Variants in OVAAL observed in about 807,000 individuals in gnomAD.
OVAAL encodes long intergenic non-protein coding RNA 1131.
At chr1:180,564,005 C>G (rs1170220265) in intron 2 of OVAAL, among the ~76,000 whole-genome samples, 1 of 152,174 alleles carries the variant, frequency 6.6e-6, no homozygotes, top group Non-Finnish European at 1.5e-5. Context: ...CTGTTTGTGT[C>G]TGACTAGCTA....
At chr1:180,560,481 G>A (rs1187479201) in intron 1 of OVAAL, among the ~76,000 whole-genome samples, 1 of 152,102 alleles carries the variant, frequency 6.6e-6, no homozygotes, top group East Asian at 1.9e-4. Flanking sequence ...GTTCCTCCTA[G>A]GGTGTCTCAA....
chr1:180,559,358 G>C (rs1557912002), intron 1 of OVAAL, among the ~76,000 whole-genome samples: 1 of 152,168 alleles, frequency 6.6e-6, no homozygotes, highest in Non-Finnish European at 1.5e-5. Context: ...GTCTCAGATG[G>C]AGATGAGGAA....
At chr1:180,561,524 G>C (rs1416718947) in intron 1 of OVAAL, among the ~76,000 whole-genome samples, 1 of 152,110 alleles carries the variant, frequency 6.6e-6, no homozygotes, top group Non-Finnish European at 1.5e-5. Flanking sequence ...GCTCAGAGCA[G>C]TTGCTTTGCC....
At chr1:180,564,467 T>C (rs185584281) in intron 2 of OVAAL, among the ~76,000 whole-genome samples, 1 of 152,260 alleles carries the variant, frequency 6.6e-6, no homozygotes, top group East Asian at 1.9e-4. Context: ...GTTAAACTAC[T>C]GTGTTGTATT....
chr1:180,559,220 T>A (rs528786343), intron 1 of OVAAL, among the ~76,000 whole-genome samples: 71 of 151,984 alleles, frequency 4.7e-4, no homozygotes, highest in African/African-American at 1.6e-3. Context: ...CAGGCAAAGG[T>A]TGGAACAGTT....
At chr1:180,560,817 GT>G (rs1653187953) in intron 1 of OVAAL, among the ~76,000 whole-genome samples, 1 of 152,170 alleles carries the variant, frequency 6.6e-6, no homozygotes, top group South Asian at 2.1e-4. Flanking sequence ...TACTTCTATA[GT>G]TAGTAACTTA....
intron 2 of OVAAL, among the ~76,000 whole-genome samples, chr1:180,563,313 A>G (rs911191036): frequency 1.3e-5 from 2 of 152,230 alleles, no homozygotes; most frequent in Non-Finnish European, 2.9e-5. Context: ...CTAACCAAGT[A>G]TAATCTTGTC....
intron 1 of OVAAL, among the ~76,000 whole-genome samples, chr1:180,559,976 AAC>A (rs1461600115): frequency 6.6e-6 from 1 of 152,082 alleles, no homozygotes; most frequent in Non-Finnish European, 1.5e-5. Context: ...AATAATAGCT[AAC>A]ATTGATTTAG....
rs571618136 is a variant in OVAAL, at chr1:180,561,848, T to A, written n.373-356T>A. 2.2e-4 allele frequency among the ~76,000 whole-genome samples: 34 copies of A among 151,848 alleles called. No homozygotes were observed. The South Asian group carries it at 6.0e-3, about 27-fold the overall frequency. On this transcript the variant is annotated intron_variant and non_coding_transcript_variant, in intron 1 of 2. Coordinates refer to ENST00000673955, the Ensembl canonical transcript of OVAAL. Reference sequence around the variant, plus strand: ...GATCAGCCTGGCCAAAGTGGTGAAATCCTATCTCTACTAATAATACAAAAA... The same window carrying A: ...GATCAGCCTGGCCAAAGTGGTGAAAACCTATCTCTACTAATAATACAAAAA...
At chr1:180,562,805 G>A (rs957349551) in intron 2 of OVAAL, among the ~76,000 whole-genome samples, 5 of 152,226 alleles carry the variant, frequency 3.3e-5, no homozygotes, top group Non-Finnish European at 7.3e-5. Context: ...GGCATGATAT[G>A]TGAGCAGGCC....
At chr1:180,559,643 C>G (rs1653166659) in intron 1 of OVAAL, among the ~76,000 whole-genome samples, 1 of 152,116 alleles carries the variant, frequency 6.6e-6, no homozygotes, top group Non-Finnish European at 1.5e-5. Flanking sequence ...CACGGTGGTT[C>G]ATGCCTGTAA....
intron 1 of OVAAL, among the ~76,000 whole-genome samples, chr1:180,560,580 T>C (rs896376041): frequency 6.6e-6 from 1 of 152,200 alleles, no homozygotes; most frequent in South Asian, 2.1e-4. Flanking sequence ...AATAAAGATA[T>C]GTCTCTTCTC....
intron 1 of OVAAL, among the ~76,000 whole-genome samples, chr1:180,561,156 G>T (rs1653193811): frequency 6.6e-6 from 1 of 152,174 alleles, no homozygotes; most frequent in Admixed American, 6.5e-5. Flanking sequence ...TCCTGCCTGA[G>T]CATGCTCCTC....
chr1:180,566,398 A>G (rs1232268328), exon 3 of OVAAL: 2 of 152,210 alleles, frequency 1.3e-5, no homozygotes, highest in Non-Finnish European at 2.9e-5. Context: ...TCTAGCTTTT[A>G]CCAGTCAGTG....
intron 2 of OVAAL, among the ~76,000 whole-genome samples, chr1:180,563,470 T>TTTA (rs773769876): frequency 2.0e-5 from 3 of 151,996 alleles, no homozygotes; most frequent in Non-Finnish European, 4.4e-5. Flanking sequence ...GGAGTGAAAG[T>TTTA]TTATTAAAAA....
exon 3 of OVAAL, chr1:180,565,257 T>A (rs913210376): frequency 6.5e-5 from 10 of 152,674 alleles, no homozygotes; most frequent in African/African-American, 2.4e-4. Context: ...GCAGCTGGTT[T>A]CCTTTCAGAC....
exon 3 of OVAAL, chr1:180,566,106 C>G (rs755706279): frequency 2.0e-5 from 3 of 152,160 alleles, no homozygotes; most frequent in Non-Finnish European, 4.4e-5. Context: ...CAAATCTGTT[C>G]AGAAGGAATC....
intron 1 of OVAAL, among the ~76,000 whole-genome samples, chr1:180,560,907 T>G (rs141783017): frequency 6.6e-6 from 1 of 152,248 alleles, no homozygotes; most frequent in Admixed American, 6.5e-5. Flanking sequence ...GAATTCAACT[T>G]GTTCTAGGAA....
intron 1 of OVAAL, among the ~76,000 whole-genome samples, chr1:180,560,775 T>C (rs1485951217): frequency 1.3e-5 from 2 of 152,250 alleles, no homozygotes; most frequent in Non-Finnish European, 2.9e-5. Flanking sequence ...CAACAAATTA[T>C]GTTAGTACTA....
Sources: allele counts gnomAD v4.1 joint callset (sites outside exome capture counted in the v4.1 genomes callset), GRCh38; gene constraint gnomAD v4.1.1; transcripts MANE v1.5; gene names NCBI Gene and HGNC (gene_info 2026-07-23, HGNC 2026-07-21).